EGFR: variants seen among roughly 807,000 people sequenced by gnomAD.
EGFR encodes the protein epidermal growth factor receptor.
A neutral mutation model predicts 143.0 loss-of-function variants in EGFR; 58 were observed. The ratio of observed to expected loss-of-function variants is 0.41; its 90% CI spans 0.33 to 0.50. The LOEUF (loss-of-function observed/expected upper bound fraction) is 0.50. EGFR is among the 20% of genes least tolerant of loss of function. The pLI, the probability that EGFR is intolerant of heterozygous loss-of-function variation, is 0.39. For synonymous variants in EGFR, 613 were observed against 594.4 expected (o/e 1.03, Z -0.45); for missense variants, 1,307 against 1,579.0 (o/e 0.83, Z 2.92).
chr7:55,202,375 G>A, intron 26 of EGFR, 142 bp from the exon 27 acceptor site: 1 of 711,090 alleles, frequency 1.4e-6, no homozygotes, highest in Non-Finnish European at 2.4e-6. Flanking sequence ...AGTAGCACCA[G>A]CACCCACCAG....
At chr7:55,163,975 G>C (rs940911511) in intron 14 of EGFR, 152 bp downstream of exon 14, 1 of 819,982 alleles carries the variant, frequency 1.2e-6, no homozygotes, top group African/African-American at 1.7e-5. Context: ...AGCGCTGTCC[G>C]GGCAGGGTGT....
At position 55,165,314 on chromosome 7, in the gene EGFR, T is replaced by C. The variant is rs542237406; in HGVS notation, c.1757T>C (p.Ile586Thr). 18 of 1,614,178 alleles carry C rather than the reference T, an allele frequency of 1.1e-5. No homozygotes were observed. The highest frequency in any genetic ancestry group is 8.3e-5 in the Admixed American group (5 of 60,018). Residue 586 changes from isoleucine (I) to threonine (T), a missense_variant, in exon 15 of 28, where the codon ATT (isoleucine) becomes ACT (threonine). By Grantham distance (89) the Ile-to-Thr change is moderately conservative. Transcript: ENST00000275493. ...AACTGTATCCAGTGTGCCCACTACA[T>C]TGACGGCCCCCACTGCGTCAAGACC... Reference protein sequence around the residue: ...PDNCIQCAHYIDGPHCVKTCP... With the variant: ...PDNCIQCAHYTDGPHCVKTCP...
At chr7:55,150,534 C>G (rs1016346868) in intron 4 of EGFR, among the ~76,000 whole-genome samples, 1 of 152,198 alleles carries the variant, frequency 6.6e-6, no homozygotes, top group African/African-American at 2.4e-5. Context: ...CTCTAGTTTA[C>G]TATGTCTTCA....
At position 55,052,457 on chromosome 7, in the gene EGFR, A is replaced by C. The variant is rs537068987; in HGVS notation, c.88+33092A>C. 4.2e-4 allele frequency among the ~76,000 whole-genome samples: 64 copies of C among 152,302 alleles called. 2 individuals are homozygous for C. In the South Asian group the frequency reaches 9.9e-3, roughly 24 times the overall value. ...TCTTCAGAAACCAGACTTTTCTTTC[A>C]ATAGTTTCAGTAATCAATCGATCAA... On this transcript the variant is annotated intron_variant, in intron 1 of 27. Coordinates refer to ENST00000275493, the MANE Select transcript of EGFR (RefSeq NM_005228.5).
Position 55,205,898 on chromosome 7 carries a change from G to GAAA in EGFR, c.*292_*294dup, listed in dbSNP as rs5884404. The stretch of plus-strand genomic sequence containing the variant: ...ATTTATCTTTCAAAGAGGTATATTT[G>GAAA]AAAAAAAAAAAAAGTATATGTGAGG... On this transcript the variant is annotated 3_prime_UTR_variant, in exon 28 of 28. Transcript: ENST00000275493. The GAAA allele has an allele frequency of 1.7e-4, 63 of 378,682 alleles. No individual in the cohort carries two copies. Among genetic ancestry groups the GAAA allele is most frequent in the Middle Eastern group, 7.4e-4 (1 of 1,358 alleles). 23.5% of individuals were successfully genotyped at this position (378,682 alleles called of 1,614,324 possible). A position where few individuals can be genotyped will look rare whatever the true frequency, so the allele number is the denominator to read the frequency against.
chr7:55,101,719 A>G (rs1013057072), intron 1 of EGFR, among the ~76,000 whole-genome samples: 3 of 152,192 alleles, frequency 2.0e-5, no homozygotes, highest in Non-Finnish European at 4.4e-5. Flanking sequence ...ACATACAGCA[A>G]CTTTTTTAAA....
intron 19 of EGFR, among the ~76,000 whole-genome samples, chr7:55,176,906 AAT>A (rs1374464944): frequency 6.8e-6 from 1 of 147,282 alleles, no homozygotes; most frequent in African/African-American, 2.5e-5. Context: ...TATATCTCTA[AAT>A]ATATATCTCT....
intron 10 of EGFR, 175 bp downstream of exon 10, chr7:55,157,007 A>G (rs1280186034): frequency 2.8e-6 from 4 of 1,452,568 alleles, no homozygotes; most frequent in Non-Finnish European, 3.7e-6. Flanking sequence ...GCAAAAGGGG[A>G]CACGTTAAGT....
chr7:55,203,421 AC>A (rs1424763085), intron 27 of EGFR, among the ~76,000 whole-genome samples: 7 of 88,262 alleles, frequency 7.9e-5, no homozygotes, highest in African/African-American at 3.0e-4. Flanking sequence ...CACACAACAC[AC>A]AACACAGACA....
intron 1 of EGFR, among the ~76,000 whole-genome samples, chr7:55,130,953 G>A (rs374965639): frequency 3.3e-4 from 50 of 152,300 alleles, no homozygotes; most frequent in African/African-American, 8.2e-4. Context: ...AGGGCAGGCC[G>A]GCAACCTCTG....
At chr7:55,198,944 T>A (rs1367977971) in intron 23 of EGFR, 81 bp downstream of exon 23, 12 of 1,571,104 alleles carry the variant, frequency 7.6e-6, no homozygotes, top group African/African-American at 1.3e-5. Context: ...GGCCTTTGCA[T>A]CCCTGGAGAA....
At chr7:55,128,300 A>T (rs1012936542) in intron 1 of EGFR, among the ~76,000 whole-genome samples, 1 of 152,268 alleles carries the variant, frequency 6.6e-6, no homozygotes, top group East Asian at 1.9e-4. Context: ...CAAATAGTTT[A>T]TTACTGAGAG....
At chr7:55,052,175 T>C (rs531344050) in intron 1 of EGFR, among the ~76,000 whole-genome samples, 1 of 152,296 alleles carries the variant, frequency 6.6e-6, no homozygotes, top group African/African-American at 2.4e-5. Context: ...ATCTAAAATA[T>C]GAGAAAAGTT....
At chr7:55,046,294 TAG>T (rs1788173248) in intron 1 of EGFR, among the ~76,000 whole-genome samples, 1 of 152,228 alleles carries the variant, frequency 6.6e-6, no homozygotes, top group Non-Finnish European at 1.5e-5. Flanking sequence ...TTGGCATTAG[TAG>T]ATTGAAAAGA....
chr7:55,199,833 T>C (rs1787770125), intron 23 of EGFR, among the ~76,000 whole-genome samples: 1 of 152,172 alleles, frequency 6.6e-6, no homozygotes, highest in South Asian at 2.1e-4. Context: ...GCATGCCCAC[T>C]GGGTATGTGC....
At chr7:55,154,234 T>A (rs1389677486) in intron 7 of EGFR, 82 bp downstream of exon 7, 1 of 1,599,152 alleles carries the variant, frequency 6.3e-7, no homozygotes, top group African/African-American at 1.3e-5. Flanking sequence ...GAGTATCCCA[T>A]CTTGGAGAGT....
chr7:55,200,702 G>A (rs1014678951), intron 24 of EGFR: 3 of 533,380 alleles, frequency 5.6e-6, no homozygotes, highest in African/African-American at 3.8e-5. Context: ...TAAGAGAGAA[G>A]CATGGTCTAT....
chr7:55,142,602 T>C (rs1184620092), intron 2 of EGFR, among the ~76,000 whole-genome samples, 165 bp downstream of exon 2: 2 of 152,236 alleles, frequency 1.3e-5, no homozygotes, highest in Non-Finnish European at 2.9e-5. Flanking sequence ...TACCAGCTAA[T>C]GTCAAGTAAT....
At chr7:55,026,874 A>T (rs1321849652) in intron 1 of EGFR, among the ~76,000 whole-genome samples, 2 of 152,142 alleles carry the variant, frequency 1.3e-5, no homozygotes, top group Non-Finnish European at 2.9e-5. Flanking sequence ...CTGCCAAAAA[A>T]AAAAAGGGAA....
Sources: gnomAD v4.1 joint callset for allele counts (sites outside exome capture counted in the v4.1 genomes callset) on GRCh38, gnomAD v4.1.1 for gene constraint, MANE v1.5 for transcripts, NCBI Gene and HGNC (gene_info 2026-07-23, HGNC 2026-07-21) for gene names.